The following PDE8A variants were observed in gnomAD, a reference collection of about 807,000 sequenced individuals.
PDE8A encodes the protein phosphodiesterase 8A, also known as high affinity cAMP-specific and IBMX-insensitive 3',5'-cyclic phosphodiesterase 8A.
In PDE8A, 59 loss-of-function variants were observed where a neutral mutation model predicts 105.0. The observed-to-expected ratio is 0.56, with a 90% CI of 0.46 to 0.70. The LOEUF (loss-of-function observed/expected upper bound fraction) is 0.70. Ranked by LOEUF, PDE8A falls within the 30% of genes least tolerant of loss-of-function variation. The pLI is 0.00. For missense variants in PDE8A, 1,014 were observed against 1,045.9 expected, an observed-to-expected ratio of 0.97 and a Z score of 0.42; for synonymous variants, 355 against 371.9, an observed-to-expected ratio of 0.95 and a Z score of 0.52.
chr15:84,982,217 C>T lies in PDE8A; in HGVS notation c.55C>T (p.Pro19Ser). 1 of 1,483,398 alleles carries T rather than the reference C, an allele frequency of 6.7e-7. No individual in the cohort carries two copies. Among genetic ancestry groups the T allele is most frequent in the South Asian group, 1.3e-5 (1 of 78,902 alleles). The allele number at this position is 1,483,398 out of a possible 1,614,324, so 91.9% of individuals were successfully genotyped here. ...CGAGCGCCTGGTGGCCGAGGACGCG[C>T]CTAGCCCCGCGGCACCGCCGCTGTC... is the stretch of plus-strand genomic sequence containing the variant. ...ISERLVAEDAPSPAAPPLSSG... is the reference protein window; with the variant it reads ...ISERLVAEDASSPAAPPLSSG... The change falls in exon 1 of 22, where the codon CCT becomes TCT. Residue 19 changes from proline (P) to serine (S), a missense_variant. Pro to Ser is a moderately conservative substitution (Grantham distance 74). Transcript: ENST00000394553.
intron 3 of PDE8A, among the ~76,000 whole-genome samples, chr15:85,075,061 A>G (rs889848209): frequency 6.6e-6 from 1 of 152,154 alleles, no homozygotes; most frequent in Non-Finnish European, 1.5e-5. Context: ...CCAGTGTAGG[A>G]TGAGTTCAAA....
At chr15:85,046,065 CTTTTT>C (rs34486009) in intron 1 of PDE8A, among the ~76,000 whole-genome samples, 1 of 124,448 alleles carries the variant, frequency 8.0e-6, no homozygotes. Context: ...CTTTCTGTTT[CTTTTT>C]TTTTTTTTTT....
chr15:85,098,075 G>A (rs1567283420), intron 9 of PDE8A, 39 bp downstream of exon 9: 1 of 1,194,826 alleles, frequency 8.4e-7, no homozygotes, highest in Non-Finnish European at 1.2e-6. Flanking sequence ...AACATACAGT[G>A]TTTTGGGTTA....
chr15:85,003,899 A>G (rs1015671750), intron 1 of PDE8A, among the ~76,000 whole-genome samples: 3 of 152,312 alleles, frequency 2.0e-5, no homozygotes, highest in Admixed American at 6.5e-5. Context: ...TGGCTCTTTT[A>G]TCTTCAACAT....
intron 1 of PDE8A, among the ~76,000 whole-genome samples, chr15:85,040,394 A>C (rs1427288531): frequency 3.3e-5 from 5 of 151,232 alleles, no homozygotes; most frequent in Non-Finnish European, 7.4e-5. Flanking sequence ...AAAAAAAGAA[A>C]AGAAAAGAAA....
chr15:85,006,669 G>A (rs933307461), intron 1 of PDE8A, among the ~76,000 whole-genome samples: 1 of 149,562 alleles, frequency 6.7e-6, no homozygotes, highest in African/African-American at 2.5e-5. Context: ...AGTTAAGAAT[G>A]TTAATCTTTT....
In PDE8A at chr15:85,041,581, A is replaced by G. The variant is rs370948769; in HGVS notation, c.187-22789A>G. On this transcript the variant is annotated intron_variant, in intron 1 of 21. Transcript: ENST00000394553. ...TATAATTTGAGACTTTCCGCCCACC[A>G]TTTTGTTAAAAATGTATTCATTTTG... is the stretch of plus-strand genomic sequence containing the variant. Among the ~76,000 whole-genome samples, 7 of 152,172 alleles carry G rather than the reference A, an allele frequency of 4.6e-5. No individual in the cohort carries two copies. The East Asian group carries it at 9.6e-4, about 21-fold the overall frequency.
chr15:85,100,977 A>G (rs2081853555), intron 11 of PDE8A, among the ~76,000 whole-genome samples: 1 of 152,216 alleles, frequency 6.6e-6, no homozygotes, highest in African/African-American at 2.4e-5. Context: ...TTCATTCTAG[A>G]AACACTTACT....
chr15:85,048,035 C>T (rs1360382169), intron 1 of PDE8A, among the ~76,000 whole-genome samples: 2 of 151,968 alleles, frequency 1.3e-5, no homozygotes, highest in African/African-American at 2.4e-5. Context: ...TAGATTTTGC[C>T]TCTCATTATA....
At position 85,134,986 on chromosome 15, in the gene PDE8A, G is replaced by A. The variant is rs575444686; in HGVS notation, c.2254-1548G>A. On this transcript the variant is annotated intron_variant, in intron 20 of 21. Transcript: ENST00000394553. ...CCACGCAAGTGCCGGAGCTGGTGCCGTAGAGCTGCGGTGGGGGGAGAGAGA... is the reference window on the plus strand; with the variant it reads ...CCACGCAAGTGCCGGAGCTGGTGCCATAGAGCTGCGGTGGGGGGAGAGAGA... 4.1e-4 allele frequency among the ~76,000 whole-genome samples: 62 copies of A among 152,298 alleles called. 1 individual carries two copies. Among genetic ancestry groups the A allele is most frequent in the Admixed American group, 2.7e-3 (42 of 15,302 alleles).
At chr15:85,091,318 G>A (rs2081640282) in intron 8 of PDE8A, 137 bp downstream of exon 8, 1 of 663,552 alleles carries the variant, frequency 1.5e-6, no homozygotes, top group Non-Finnish European at 2.3e-6. Flanking sequence ...TGTTATCCCT[G>A]TTATATCCAT....
chr15:85,115,919 C>CAAA (rs35865189), intron 15 of PDE8A, 65 bp from the exon 16 acceptor site: 32,623 of 1,176,486 alleles, frequency 0.028, 12 homozygotes, highest in Middle Eastern at 0.032. Context: ...GATTCCGTCT[C>CAAA]AAAAAAAAAA....
intron 12 of PDE8A, among the ~76,000 whole-genome samples, chr15:85,109,424 A>G (rs1037317463): frequency 6.6e-6 from 1 of 152,248 alleles, no homozygotes; most frequent in African/African-American, 2.4e-5. Flanking sequence ...ATCTGCTATA[A>G]TTGTTTGAAT....
intron 1 of PDE8A, chr15:85,063,595 A>G (rs1264847764): frequency 6.6e-6 from 1 of 152,224 alleles, no homozygotes; most frequent in Non-Finnish European, 1.5e-5. Flanking sequence ...CCTGGGTGGA[A>G]TCCCAGCACT....
At chr15:85,065,122 T>C (rs2081201952) in intron 2 of PDE8A, among the ~76,000 whole-genome samples, 1 of 152,082 alleles carries the variant, frequency 6.6e-6, no homozygotes, top group African/African-American at 2.4e-5. Flanking sequence ...GCATGTTTAG[T>C]GTTCATTTTC....
At chr15:85,123,463 A>G (rs957146286) in intron 19 of PDE8A, among the ~76,000 whole-genome samples, 1 of 152,228 alleles carries the variant, frequency 6.6e-6, no homozygotes, top group Middle Eastern at 3.4e-3. Context: ...AGGAGCAAGG[A>G]GAGCCAGTCT....
intron 1 of PDE8A, among the ~76,000 whole-genome samples, chr15:85,001,381 CAAAA>C (rs753727002): frequency 9.9e-5 from 15 of 151,748 alleles, no homozygotes; most frequent in Non-Finnish European, 1.8e-4. Flanking sequence ...AAAACAAAAA[CAAAA>C]AAAGGCAAGA....
At chr15:85,071,803 T>A (rs2081315319) in intron 3 of PDE8A, among the ~76,000 whole-genome samples, 1 of 152,008 alleles carries the variant, frequency 6.6e-6, no homozygotes, top group South Asian at 2.1e-4. Flanking sequence ...GTAAACAGGA[T>A]GAGAAGGGGG....
chr15:85,030,330 T>C (rs954681050), intron 1 of PDE8A, among the ~76,000 whole-genome samples: 4 of 151,838 alleles, frequency 2.6e-5, no homozygotes, highest in Non-Finnish European at 5.9e-5. Flanking sequence ...TCTGGCCCAG[T>C]TTGGTATGAT....
Sources: gnomAD v4.1 joint callset for allele counts (sites outside exome capture counted in the v4.1 genomes callset) on GRCh38, gnomAD v4.1.1 for gene constraint, MANE v1.5 for transcripts, NCBI Gene and HGNC (gene_info 2026-07-23, HGNC 2026-07-21) for gene names.